The following SNAPC3 variants were observed in gnomAD, a reference collection of about 807,000 sequenced individuals.
SNAPC3 encodes the protein snRNA-activating protein complex subunit 3.
Under a neutral mutation model 47.7 loss-of-function variants are expected in SNAPC3, and 56 were observed. That is an observed-to-expected ratio of 1.18 (90% CI 0.95 to 1.47). The LOEUF (loss-of-function observed/expected upper bound fraction) is 1.47, where lower values mean the gene tolerates loss of function less well. Ranked by LOEUF, SNAPC3 falls within the 40% of genes most tolerant of loss-of-function variation. The pLI is 0.00. For synonymous variants in SNAPC3, 235 were observed against 189.9 expected, an observed-to-expected ratio of 1.24 and a Z score of -1.95; for missense variants, 665 against 511.3, an observed-to-expected ratio of 1.30 and a Z score of -2.90.
intron 2 of SNAPC3, among the ~76,000 whole-genome samples, chr9:15,431,598 C>A (rs1472743252): frequency 6.6e-6 from 1 of 151,870 alleles, no homozygotes; most frequent in Non-Finnish European, 1.5e-5. Flanking sequence ...AGACTGATTG[C>A]CTGCAGGGGT....
At chr9:15,423,870 G>C (rs776531142) in intron 1 of SNAPC3, 39 bp from the exon 2 acceptor site, 2 of 1,208,532 alleles carry the variant, frequency 1.7e-6, no homozygotes, top group South Asian at 3.0e-5. Context: ...ACCAGATGCA[G>C]AGTCGACCTT....
intron 3 of SNAPC3, among the ~76,000 whole-genome samples, chr9:15,436,445 T>C (rs1171607770): frequency 6.6e-6 from 1 of 152,244 alleles, no homozygotes; most frequent in East Asian, 1.9e-4. Flanking sequence ...GTGAATGATC[T>C]TGGCCCTTTT....
At chr9:15,465,266 A>G (rs989910854), downstream of SNAPC3, 6 of 414,292 alleles carry the variant, frequency 1.4e-5, no homozygotes, top group Non-Finnish European at 2.1e-5. Context: ...TGCTACAACC[A>G]TGTCTGGAAA....
At position 15,460,945 on chromosome 9, in the gene SNAPC3, C is replaced by A. The variant is rs576090250; in HGVS notation, c.*1079C>A. ...AAAAACAATAGCAGATTTCGTATGA[C>A]TGTGGGGACATGGAAAAATCAAGAT... On this transcript the variant is annotated 3_prime_UTR_variant, in exon 9 of 9. Transcript: ENST00000380821. The A allele has an allele frequency of 6.6e-6, 1 of 152,056 alleles. No homozygotes were observed. The highest frequency in any genetic ancestry group is 1.5e-5 in the Non-Finnish European group (1 of 68,026). 9.4% of individuals were successfully genotyped at this position (152,056 alleles called of 1,614,324 possible). A position where few individuals can be genotyped will look rare whatever the true frequency, so the allele number is the denominator to read the frequency against.
intron 8 of SNAPC3, among the ~76,000 whole-genome samples, chr9:15,458,347 C>T (rs1190785338): frequency 1.3e-5 from 2 of 152,098 alleles, no homozygotes; most frequent in Non-Finnish European, 2.9e-5. Flanking sequence ...TAGTGTTAAG[C>T]AAAGCAAAGA....
At chr9:15,425,681 C>G (rs1413026120) in intron 2 of SNAPC3, among the ~76,000 whole-genome samples, 1 of 152,172 alleles carries the variant, frequency 6.6e-6, no homozygotes, top group Non-Finnish European at 1.5e-5. Flanking sequence ...GTTCTCAAGC[C>G]TACTATACTG....
chr9:15,444,063 A>T (rs2033732513), intron 3 of SNAPC3, among the ~76,000 whole-genome samples: 1 of 152,216 alleles, frequency 6.6e-6, no homozygotes, highest in African/African-American at 2.4e-5. Flanking sequence ...CATCTAAACC[A>T]GTTCAGCCTG....
chr9:15,431,136 C>T (rs998137155), intron 2 of SNAPC3, among the ~76,000 whole-genome samples: 1 of 152,176 alleles, frequency 6.6e-6, no homozygotes, highest in African/African-American at 2.4e-5. Flanking sequence ...TCCTGCAATA[C>T]ACTGCAGTCT....
chr9:15,432,222 G>A (rs1222655345), intron 2 of SNAPC3, among the ~76,000 whole-genome samples: 1 of 152,130 alleles, frequency 6.6e-6, no homozygotes, highest in Non-Finnish European at 1.5e-5. Context: ...GTTTTAGTTT[G>A]GGATCAGAAG....
intron 5 of SNAPC3, among the ~76,000 whole-genome samples, chr9:15,447,780 CCCATTCTTCA>C (rs1292350792): frequency 6.6e-6 from 1 of 152,166 alleles, no homozygotes; most frequent in Non-Finnish European, 1.5e-5. Flanking sequence ...ATAGTTAGCA[CCCATTCTTCA>C]CCTTTCGCTG....
At chr9:15,431,661 C>G (rs966987786) in intron 2 of SNAPC3, among the ~76,000 whole-genome samples, 1 of 152,026 alleles carries the variant, frequency 6.6e-6, no homozygotes, top group Non-Finnish European at 1.5e-5. Flanking sequence ...TTAGTAGGAA[C>G]AAAGAGGGAG....
At chr9:15,452,934 T>C (rs1457670960) in intron 6 of SNAPC3, 107 bp from the exon 7 acceptor site, 1 of 867,324 alleles carries the variant, frequency 1.2e-6, no homozygotes, top group East Asian at 2.6e-5. Flanking sequence ...ACTGTCCAGT[T>C]AGTTGGGTGA....
intron 2 of SNAPC3, among the ~76,000 whole-genome samples, chr9:15,424,606 G>A (rs996677251): frequency 1.3e-5 from 2 of 152,144 alleles, no homozygotes; most frequent in African/African-American, 4.8e-5. Context: ...GATAATGGAA[G>A]TTTCTAAATG....
chr9:15,424,514 T>TA (rs2031070714), intron 2 of SNAPC3, among the ~76,000 whole-genome samples: 1 of 152,036 alleles, frequency 6.6e-6, no homozygotes, highest in Admixed American at 6.6e-5. Flanking sequence ...TAAAAAGAAT[T>TA]ACTAGAAAAA....
intron 4 of SNAPC3, 102 bp downstream of exon 4, chr9:15,444,808 C>A: frequency 1.6e-6 from 1 of 643,380 alleles, no homozygotes; most frequent in Non-Finnish European, 2.6e-6. Flanking sequence ...TAAAAATAAA[C>A]ACTCTGGGAG....
rs747496186 is a variant in SNAPC3, at chr9:15,447,112, A to G, written c.600A>G (p.Pro200=). 1.9e-6 allele frequency: 3 copies of G among 1,614,168 alleles called. No homozygotes were observed. Among genetic ancestry groups the G allele is most frequent in the South Asian group, 2.2e-5 (2 of 91,084 alleles). ...VIFHKHKEHK[P]YQTMLVLGSQ... is the part of the protein sequence containing the mutation. ...ACTTTTAGCACAAAGAACACAAACC[A>G]TACCAAACAATGCTGGTGTTGGGCA... is the stretch of plus-strand genomic sequence containing the variant. Residue 200 remains proline (P), a synonymous_variant, in exon 5 of 9, where the codon CCA becomes CCG. Transcript: ENST00000380821.
At position 15,461,329 on chromosome 9, in the gene SNAPC3, T is replaced by C. The variant is rs974548767; in HGVS notation, c.*1463T>C. On this transcript the variant is annotated 3_prime_UTR_variant, in exon 9 of 9. Coordinates refer to ENST00000380821, the MANE Select transcript of SNAPC3 (RefSeq NM_001039697.2). The stretch of plus-strand genomic sequence containing the variant: ...GGCACAGGCCACCATGGCGGGCTAA[T>C]TTTTTTATTTCTTGTAGATACAGGG... 4 of 152,154 alleles carry C rather than the reference T, an allele frequency of 2.6e-5. No homozygotes were observed. 9.4% of individuals were successfully genotyped at this position (152,154 alleles called of 1,614,324 possible).
chr9:15,423,246 C>T, intron 1 of SNAPC3, 53 bp downstream of exon 1: 1 of 1,482,188 alleles, frequency 6.7e-7, no homozygotes, highest in Non-Finnish European at 8.9e-7. Flanking sequence ...AGGGTGCAGC[C>T]TTGCTCGTGC....
downstream of SNAPC3, among the ~76,000 whole-genome samples, chr9:15,466,226 A>AAAATTAGATGGGCGTG (rs2035616082): frequency 6.6e-6 from 1 of 152,182 alleles, no homozygotes; most frequent in Admixed American, 6.5e-5. Flanking sequence ...AAAAATACAA[A>AAAATTAGATGGGCGTG]AAATTAGATG....
Sources: allele counts gnomAD v4.1 joint callset (sites outside exome capture counted in the v4.1 genomes callset), GRCh38; gene constraint gnomAD v4.1.1; transcripts MANE v1.5; gene names NCBI Gene and HGNC (gene_info 2026-07-23, HGNC 2026-07-21).